The following JARID2 variants were observed in gnomAD, a reference collection of about 807,000 sequenced individuals.
JARID2 encodes jumonji and AT-rich interaction domain containing 2, also known as protein Jumonji.
JARID2 carries 21 observed loss-of-function variants against 125.6 expected under a neutral mutation model. The observed-to-expected ratio is 0.17, with a 90% confidence interval of 0.12 to 0.24. JARID2 has a LOEUF of 0.24. Among genes scored for constraint, JARID2 ranks in the 10% least tolerant of loss-of-function variants. The pLI is 1.00. For synonymous variants in JARID2, 736 were observed against 661.6 expected (o/e 1.11, Z -1.73); for missense variants, 1,303 against 1,639.6 (o/e 0.79, Z 3.55).
At chr6:15,436,677 T>C (rs1767218605) in intron 3 of JARID2, among the ~76,000 whole-genome samples, 1 of 152,098 alleles carries the variant, frequency 6.6e-6, no homozygotes, top group Admixed American at 6.5e-5. Context: ...ACCATGCTCT[T>C]CTATTCCCAG....
At chr6:15,373,008 G>A (rs146708760) in intron 1 of JARID2, among the ~76,000 whole-genome samples, 16 of 152,290 alleles carry the variant, frequency 1.1e-4, no homozygotes, top group African/African-American at 3.6e-4. Flanking sequence ...TGCCAGGCCT[G>A]CTTCCATTTC....
At chr6:15,417,257 G>A (rs946234167) in intron 3 of JARID2, among the ~76,000 whole-genome samples, 1 of 152,146 alleles carries the variant, frequency 6.6e-6, no homozygotes, top group African/African-American at 2.4e-5. Flanking sequence ...GCCAGGCTGT[G>A]TGACTTCTCA....
At position 15,497,025 on chromosome 6, in the gene JARID2, G is replaced by A. The variant is rs1296176882; in HGVS notation, c.1800G>A (p.Lys600=). 6.2e-7 allele frequency: 1 copy of A among 1,613,484 alleles called. No homozygotes were observed. Among genetic ancestry groups the A allele is most frequent in the South Asian group, 1.1e-5 (1 of 90,928 alleles). The change falls in exon 7 of 18, where the codon AAG becomes AAA. Residue 600 remains lysine (K), a synonymous_variant. Transcript: ENST00000341776. The stretch of plus-strand genomic sequence containing the variant: ...CTCCGGACTGGCGGCCCGAGTGCAA[G>A]CTCAACGATGAGATGCGGTTTGTCA... ...IPPPDWRPEC[K]LNDEMRFVTQ...
chr6:15,364,443 C>T (rs1763904596), intron 1 of JARID2, among the ~76,000 whole-genome samples: 1 of 152,162 alleles, frequency 6.6e-6, no homozygotes, highest in Non-Finnish European at 1.5e-5. Flanking sequence ...AGCAGTGTGT[C>T]TTCAAGGCTT....
intron 5 of JARID2, among the ~76,000 whole-genome samples, chr6:15,471,437 T>C (rs1440939730): frequency 6.6e-6 from 1 of 152,214 alleles, no homozygotes; most frequent in Non-Finnish European, 1.5e-5. Flanking sequence ...GGAATTACCC[T>C]CATCTGTTGT....
chr6:15,405,674 G>A (rs147444512), intron 2 of JARID2, among the ~76,000 whole-genome samples: 2 of 152,286 alleles, frequency 1.3e-5, no homozygotes, highest in South Asian at 4.1e-4. Flanking sequence ...TGGTCGGGGT[G>A]GGGGAGGGGG....
At chr6:15,458,868 C>T (rs188829845) in intron 4 of JARID2, among the ~76,000 whole-genome samples, 12 of 152,310 alleles carry the variant, frequency 7.9e-5, no homozygotes, top group Non-Finnish European at 1.8e-4. Context: ...GGAGTTAAAG[C>T]AAGAAAGTTA....
At chr6:15,387,036 C>G (rs536633846) in intron 2 of JARID2, among the ~76,000 whole-genome samples, 1 of 152,124 alleles carries the variant, frequency 6.6e-6, no homozygotes, top group Non-Finnish European at 1.5e-5. Flanking sequence ...TGTGAGTATT[C>G]GGAATACTCA....
intron 5 of JARID2, among the ~76,000 whole-genome samples, chr6:15,472,544 A>G (rs779613877): frequency 1.3e-5 from 2 of 152,024 alleles, no homozygotes; most frequent in Admixed American, 6.5e-5. Context: ...ATTATGTCGT[A>G]TTTGAATTGT....
At position 15,496,626 on chromosome 6, in the gene JARID2, C is replaced by T. The variant is rs1426442181; in HGVS notation, c.1401C>T (p.Ala467=). Residue 467 remains alanine (A), a synonymous_variant, in exon 7 of 18, where the codon GCC becomes GCT. Coordinates refer to ENST00000341776, the MANE Select transcript of JARID2 (RefSeq NM_004973.4). ...AGATGAAAGGGGCGGCTGGCCCCGC[C>T]GAAGGCCCTGGCAAGAAGGCCCCGG... ...PKKMKGAAGP[A]EGPGKKAPAE... is the part of the protein sequence containing the mutation. The T allele has an allele frequency of 1.1e-5, 17 of 1,608,564 alleles. No homozygotes were observed. The highest frequency in any genetic ancestry group is 1.4e-5 in the Non-Finnish European group (17 of 1,178,524).
chr6:15,272,638 C>T (rs1167851271), intron 1 of JARID2, among the ~76,000 whole-genome samples: 2 of 152,142 alleles, frequency 1.3e-5, no homozygotes, highest in Non-Finnish European at 2.9e-5. Flanking sequence ...ACTACTTGAC[C>T]CCAAATCAGG....
intron 1 of JARID2, among the ~76,000 whole-genome samples, chr6:15,317,381 T>C (rs1762214228): frequency 6.6e-6 from 1 of 152,194 alleles, no homozygotes; most frequent in Admixed American, 6.5e-5. Context: ...CTGAGAGTCA[T>C]TTAAAGGTGA....
chr6:15,274,760 A>G (rs184000441), intron 1 of JARID2, among the ~76,000 whole-genome samples: 2 of 152,244 alleles, frequency 1.3e-5, no homozygotes, highest in Non-Finnish European at 2.9e-5. Context: ...CAGCCTGGGA[A>G]GGAGACTTTA....
chr6:15,444,844 G>A (rs1164879041), intron 3 of JARID2, among the ~76,000 whole-genome samples: 2 of 134,724 alleles, frequency 1.5e-5, no homozygotes, highest in African/African-American at 2.8e-5. Context: ...ACCAGCTTAC[G>A]TTTTTAATAT....
chr6:15,517,236 C>T lies in JARID2; in HGVS notation c.3526C>T (p.Arg1176Ter), dbSNP rs779240039. The T allele has an allele frequency of 6.2e-7, 1 of 1,613,934 alleles. No individual in the cohort carries two copies. Among genetic ancestry groups the T allele is most frequent in the Non-Finnish European group, 8.5e-7 (1 of 1,179,852 alleles). Reference protein sequence around the residue: ...LRHVEKQKSCRGLKLMYRYDE... With the variant: ...LRHVEKQKSC ...CCACGTGGAGAAACAGAAGTCCTGC[C>T]GAGGGCTGAAGTTGATGTACCGCTA... The change falls in exon 17 of 18, where the codon CGA becomes TGA. Residue 1176 changes from arginine to a stop codon, truncating the protein, a stop_gained. Coordinates refer to ENST00000341776, the MANE Select transcript of JARID2 (RefSeq NM_004973.4). LOFTEE classifies it high-confidence loss of function.
intron 2 of JARID2, among the ~76,000 whole-genome samples, chr6:15,376,918 T>C (rs1020709615): frequency 6.6e-6 from 1 of 152,150 alleles, no homozygotes; most frequent in Non-Finnish European, 1.5e-5. Context: ...CTGGTGAGGC[T>C]AGGAGTAGGG....
At position 15,521,781 on chromosome 6, in the gene JARID2, C is replaced by CAATT. The variant is rs1771869626; in HGVS notation, c.*1532_*1535dup. On this transcript the variant is annotated 3_prime_UTR_variant, in exon 18 of 18. Coordinates refer to ENST00000341776, the MANE Select transcript of JARID2 (RefSeq NM_004973.4). ...GACTGAACTGTTTTGGAATATTTAA[C>CAATT]AATTACAGAAACAGTCAAGTGTTTT... 6.6e-6 allele frequency: 1 copy of CAATT among 152,192 alleles called. No individual in the cohort carries two copies. The highest frequency in any genetic ancestry group is 2.1e-4 in the South Asian group (1 of 4,830). 9.4% of individuals were successfully genotyped at this position (152,192 alleles called of 1,614,324 possible).
chr6:15,442,110 G>GA (rs200659485), intron 3 of JARID2, among the ~76,000 whole-genome samples: 211 of 139,512 alleles, frequency 1.5e-3, no homozygotes, highest in South Asian at 7.5e-3. Flanking sequence ...CTTGCATTTT[G>GA]AAAAAAAAAA....
intron 1 of JARID2, among the ~76,000 whole-genome samples, chr6:15,364,997 G>A (rs1292616461): frequency 6.6e-6 from 1 of 151,982 alleles, no homozygotes; most frequent in Non-Finnish European, 1.5e-5. Flanking sequence ...GGATTTTTTG[G>A]GGGTATATCA....
Sources: allele counts gnomAD v4.1 joint callset (sites outside exome capture counted in the v4.1 genomes callset), GRCh38; gene constraint gnomAD v4.1.1; transcripts MANE v1.5; gene names NCBI Gene and HGNC (gene_info 2026-07-23, HGNC 2026-07-21).